ATP10D: variants seen among roughly 807,000 people sequenced by gnomAD.
ATP10D encodes the protein ATPase phospholipid transporting 10D (putative).
ATP10D carries 89 observed loss-of-function variants against 144.8 expected under a neutral mutation model. The observed-to-expected ratio is 0.61, with a 90% CI of 0.52 to 0.73. ATP10D has a LOEUF of 0.73. Ranked by LOEUF, ATP10D falls within the 30% of genes least tolerant of loss-of-function variation. The pLI is 0.00. For missense variants in ATP10D, 1,603 were observed against 1,714.8 expected (o/e 0.93, Z 1.15); for synonymous variants, 571 against 615.1 (o/e 0.93, Z 1.06).
intron 9 of ATP10D, among the ~76,000 whole-genome samples, chr4:47,542,301 T>G (rs1718177865): frequency 6.6e-6 from 1 of 152,132 alleles, no homozygotes; most frequent in South Asian, 2.1e-4. Flanking sequence ...TTCGCCATGT[T>G]TCCCAGGCTG....
intron 21 of ATP10D, among the ~76,000 whole-genome samples, chr4:47,585,486 G>C (rs1054268422): frequency 1.3e-5 from 2 of 152,044 alleles, no homozygotes; most frequent in Non-Finnish European, 2.9e-5. Context: ...TTTATCCTTT[G>C]AGTTACAAAC....
intron 5 of ATP10D, among the ~76,000 whole-genome samples, chr4:47,526,706 G>A (rs80260203): frequency 0.032 from 4,901 of 152,222 alleles, 119 homozygotes; most frequent in Admixed American, 0.051. Flanking sequence ...AAAATCGATT[G>A]TATTTTAATA....
chr4:47,555,407 T>G (rs572535466), intron 11 of ATP10D, among the ~76,000 whole-genome samples: 87 of 152,224 alleles, frequency 5.7e-4, no homozygotes, highest in Non-Finnish European at 1.1e-3. Flanking sequence ...TGAGGACCGC[T>G]GGTCTAAGTG....
At chr4:47,572,385 T>C (rs1211359491) in intron 17 of ATP10D, among the ~76,000 whole-genome samples, 155 bp downstream of exon 17, 1 of 152,154 alleles carries the variant, frequency 6.6e-6, no homozygotes, top group African/African-American at 2.4e-5. Flanking sequence ...ATTGATTTTT[T>C]TTTACTAGGT....
Position 47,512,481 on chromosome 4 carries a change from T to G in ATP10D, c.-37-23T>G. The stretch of plus-strand genomic sequence containing the variant: ...GAGACGTTTCAGAAGCTCATGGAAG[T>G]GTGGTTTTTGTTTGTTTGCCAGGTC... On this transcript the variant is annotated intron_variant, in intron 1 of 22. Transcript: ENST00000273859. 4 of 1,445,450 alleles carry G rather than the reference T, an allele frequency of 2.8e-6. No individual in the cohort carries two copies. In the South Asian group the frequency reaches 5.2e-5, roughly 19 times the overall value. 89.5% of individuals were successfully genotyped at this position (1,445,450 alleles called of 1,614,324 possible). A position where few individuals can be genotyped will look rare whatever the true frequency, so the allele number is the denominator to read the frequency against.
intron 15 of ATP10D, among the ~76,000 whole-genome samples, chr4:47,565,629 T>C (rs1719590285): frequency 1.3e-5 from 2 of 152,050 alleles, no homozygotes; most frequent in South Asian, 2.1e-4. Context: ...ATAAATTGTT[T>C]AATGCGGTGC....
chr4:47,573,079 A>G (rs978528841), intron 18 of ATP10D, 82 bp downstream of exon 18: 44 of 1,497,960 alleles, frequency 2.9e-5, no homozygotes, highest in East Asian at 1.1e-4. Context: ...GAAGTGTCCT[A>G]TGCTAAGCTC....
rs763663606 is a variant in ATP10D at position 47,515,680 on chromosome 4, A to T, written c.485+10A>T. The T allele has an allele frequency of 1.3e-6, 2 of 1,567,722 alleles. No homozygotes were observed. Among genetic ancestry groups the T allele is most frequent in the East Asian group, 4.5e-5 (2 of 44,650 alleles). Reference sequence around the variant, plus strand: ...CTAAAGTTTATAGTAGGTAAGTGTAATGGGACCTTTGCTAAGGACTATGTA... The same window carrying T: ...CTAAAGTTTATAGTAGGTAAGTGTATTGGGACCTTTGCTAAGGACTATGTA... On this transcript the variant is annotated intron_variant, in intron 3 of 22. Transcript: ENST00000273859.
chr4:47,580,298 C>G (rs1720444739), intron 19 of ATP10D, 100 bp from the exon 20 acceptor site: 1 of 948,302 alleles, frequency 1.1e-6, no homozygotes, highest in South Asian at 1.4e-5. Flanking sequence ...AGAAATGGAG[C>G]TTTCTCTCAG....
In ATP10D at chr4:47,523,129, A is replaced by T; in HGVS notation, c.603A>T (p.Pro201=). ...TGGTACTACTCTTTTCCACTGATCC[A>T]GATGGAATCTGTCACATTGAGACTT... The part of the protein sequence containing the change: ...ADMVLLFSTD[P]DGICHIETSG... The change falls in exon 4 of 23, where the codon CCA becomes CCT. Residue 201 remains proline (P), a synonymous_variant. Coordinates refer to ENST00000273859, the MANE Select transcript of ATP10D (RefSeq NM_020453.4). 1.2e-6 allele frequency: 2 copies of T among 1,614,122 alleles called. No individual in the cohort carries two copies. Among genetic ancestry groups the T allele is most frequent in the Non-Finnish European group, 1.7e-6 (2 of 1,179,990 alleles).
Position 47,572,854 on chromosome 4 carries a change from T to TC in ATP10D, c.3241-14dup. On this transcript the variant is annotated splice_polypyrimidine_tract_variant and intron_variant, in intron 17 of 22. Coordinates refer to ENST00000273859, the MANE Select transcript of ATP10D (RefSeq NM_020453.4). ...TTTGATCACTCAGGATGGCATTCTC[T>TC]CCCCATTGCATCTGCAGGCTGTGAT... The TC allele has an allele frequency of 1.2e-6, 2 of 1,614,020 alleles. No homozygotes were observed. The highest frequency in any genetic ancestry group is 1.7e-6 in the Non-Finnish European group (2 of 1,179,932).
intron 18 of ATP10D, among the ~76,000 whole-genome samples, chr4:47,575,354 A>G (rs1720173050): frequency 6.6e-6 from 1 of 152,110 alleles, no homozygotes; most frequent in Non-Finnish European, 1.5e-5. Context: ...TTTGTCTGAG[A>G]CAAAATACTA....
chr4:47,536,594 T>C, intron 8 of ATP10D, 30 bp downstream of exon 8: 1 of 1,608,770 alleles, frequency 6.2e-7, no homozygotes, highest in Non-Finnish European at 8.5e-7. Flanking sequence ...ATGGTAGAAT[T>C]TTAACATCTT....
intron 17 of ATP10D, 76 bp downstream of exon 17, chr4:47,572,306 C>A: frequency 3.0e-6 from 4 of 1,348,392 alleles, no homozygotes; most frequent in South Asian, 1.2e-5. Context: ...ATGGTAAATT[C>A]TCTGTGGCAG....
intron 1 of ATP10D, among the ~76,000 whole-genome samples, chr4:47,508,233 C>T (rs1032236340): frequency 6.6e-6 from 1 of 152,258 alleles, no homozygotes; most frequent in South Asian, 2.1e-4. Flanking sequence ...TTATGTCATG[C>T]CTGTCTTTTT....
chr4:47,535,960 A>G lies in ATP10D; in HGVS notation c.942A>G (p.Leu314=). The G allele has an allele frequency of 6.2e-7, 1 of 1,613,210 alleles. No homozygotes were observed. The change falls in exon 7 of 23, where the codon TTA becomes TTG. Residue 314 remains leucine (L), a synonymous_variant. Transcript: ENST00000273859. ...GGCCACGGTATAAGCGCAGCAAATT[A>G]GAAAGAAGAGCAAACACAGATGTCC... is the stretch of plus-strand genomic sequence containing the variant. ...NSGPRYKRSK[L]ERRANTDVLW...
chr4:47,546,525 G>T, intron 9 of ATP10D, 99 bp from the exon 10 acceptor site: 1 of 1,074,362 alleles, frequency 9.3e-7, no homozygotes, highest in Non-Finnish European at 1.4e-6. Flanking sequence ...TGAAAGGGGA[G>T]GAGATGGTGT....
At chr4:47,510,569 G>A (rs903849930) in intron 1 of ATP10D, among the ~76,000 whole-genome samples, 6 of 152,180 alleles carry the variant, frequency 3.9e-5, no homozygotes, top group African/African-American at 1.4e-4. Context: ...GAAAGATGTA[G>A]TTCTTGTCTG....
At chr4:47,502,281 C>A (rs1449873267) in intron 1 of ATP10D, among the ~76,000 whole-genome samples, 7 of 152,126 alleles carry the variant, frequency 4.6e-5, no homozygotes, top group Non-Finnish European at 7.4e-5. Context: ...ACCATCCTGG[C>A]TAACACGGTG....
Sources: allele counts gnomAD v4.1 joint callset (sites outside exome capture counted in the v4.1 genomes callset), GRCh38; gene constraint gnomAD v4.1.1; transcripts MANE v1.5; gene names NCBI Gene and HGNC (gene_info 2026-07-23, HGNC 2026-07-21).